Variants in BEST3 observed in about 807,000 individuals in gnomAD.
BEST3 encodes the protein bestrophin-3.
BEST3 carries 50 observed loss-of-function variants against 47.1 expected under a neutral mutation model. That is an observed-to-expected ratio of 1.06 (90% CI 0.85 to 1.34). The LOEUF (loss-of-function observed/expected upper bound fraction) is 1.34. BEST3 is among the 40% of genes most tolerant of loss of function. The pLI is 0.00. For missense variants in BEST3, 765 were observed against 817.0 expected (o/e 0.94, Z 0.78); for synonymous variants, 282 against 298.8 (o/e 0.94, Z 0.58).
intron 4 of BEST3, among the ~76,000 whole-genome samples, chr12:69,692,206 CACAAACTCCAAA>C (rs1885951708): frequency 6.6e-6 from 1 of 152,176 alleles, no homozygotes; most frequent in African/African-American, 2.4e-5. Flanking sequence ...AAGAAGCCAA[CACAAACTCCAAA>C]ACAAACAAAA....
At chr12:69,684,487 A>G (rs1885440253) in intron 4 of BEST3, 1 of 573,110 alleles carries the variant, frequency 1.7e-6, no homozygotes, top group Non-Finnish European at 3.4e-6. Context: ...TCCTTGATTG[A>G]AGTTGAGGCA....
At chr12:69,694,079 G>T in intron 3 of BEST3, 172 bp from the exon 4 acceptor site, 1 of 607,598 alleles carries the variant, frequency 1.6e-6, no homozygotes, top group Non-Finnish European at 2.9e-6. Context: ...GCCTGGCAAT[G>T]CCTAAGCACC....
downstream of BEST3, among the ~76,000 whole-genome samples, chr12:69,649,811 GC>G (rs1171258121): frequency 6.6e-6 from 1 of 152,214 alleles, no homozygotes; most frequent in African/African-American, 2.4e-5. Flanking sequence ...CTGGCTGAGA[GC>G]CACTGGCCTA....
intron 4 of BEST3, chr12:69,689,386 G>A (rs1184458886): frequency 7.9e-6 from 3 of 381,324 alleles, no homozygotes; most frequent in Non-Finnish European, 1.1e-5. Flanking sequence ...TGGCTTAGAG[G>A]ATAGTGGCTT....
chr12:69,676,980 T>C lies in BEST3; in HGVS notation c.803A>G (p.Asp268Gly), dbSNP rs1565833869. Residue 268 changes from aspartate to glycine, a missense_variant, in exon 7 of 10, where the codon GAC becomes GGC. By Grantham distance (94) the Asp-to-Gly change is moderately conservative. Transcript: ENST00000330891. ...GAAGATGGGAATGTAAAGATCCAAGTCATGCCCTGCGTAGCCTTTGGTGGG... is the reference window on the plus strand; with the variant it reads ...GAAGATGGGAATGTAAAGATCCAAGCCATGCCCTGCGTAGCCTTTGGTGGG... ...LDPTKGYAGHDLDLYIPIFTL... is the reference protein window; with the variant it reads ...LDPTKGYAGHGLDLYIPIFTL... 6.2e-7 allele frequency: 1 copy of C among 1,613,944 alleles called. No individual in the cohort carries two copies. Among genetic ancestry groups the C allele is most frequent in the Non-Finnish European group, 8.5e-7 (1 of 1,180,004 alleles).
At chr12:69,698,351 CATT>C (rs1454767429) in intron 1 of BEST3, among the ~76,000 whole-genome samples, 7 of 152,240 alleles carry the variant, frequency 4.6e-5, no homozygotes, top group African/African-American at 1.7e-4. Flanking sequence ...AAAATGAGGT[CATT>C]ATTTACAACT....
At chr12:69,686,637 T>C (rs1303623149) in intron 4 of BEST3, among the ~76,000 whole-genome samples, 1 of 151,730 alleles carries the variant, frequency 6.6e-6, no homozygotes, top group African/African-American at 2.4e-5. Context: ...CCGGGTGTGG[T>C]GGCCTGTGCC....
At position 69,677,336 on chromosome 12, in the gene BEST3, A is replaced by C. The variant is rs1005503702; in HGVS notation, c.637-79T>G. Reference sequence around the variant, plus strand: ...AGTACTTACTGGGACTCAGAATGTGAGCATGTCTTTTACAGGACTGACTGT... The same window carrying C: ...AGTACTTACTGGGACTCAGAATGTGCGCATGTCTTTTACAGGACTGACTGT... On this transcript the variant is annotated intron_variant, in intron 5 of 9. Transcript: ENST00000330891. The C allele has an allele frequency of 1.3e-5, 16 of 1,272,368 alleles. No individual in the cohort carries two copies. In the Admixed American group the frequency reaches 1.6e-4, roughly 13 times the overall value. 78.8% of individuals were successfully genotyped at this position (1,272,368 alleles called of 1,614,324 possible). A position where few individuals can be genotyped will look rare whatever the true frequency, so the allele number is the denominator to read the frequency against.
intron 9 of BEST3, among the ~76,000 whole-genome samples, chr12:69,657,647 T>A (rs1883590586): frequency 6.6e-6 from 1 of 152,112 alleles, no homozygotes; most frequent in Non-Finnish European, 1.5e-5. Flanking sequence ...GGTAGTGACA[T>A]CTCTGGTGAC....
At chr12:69,684,610 TGAAA>T (rs1473007564) in intron 4 of BEST3, 6 of 670,212 alleles carry the variant, frequency 9.0e-6, no homozygotes, top group Admixed American at 2.0e-5. Flanking sequence ...CAGTTCTTTC[TGAAA>T]GAGAGAGTTG....
chr12:69,692,520 T>C (rs1243629058), intron 4 of BEST3, among the ~76,000 whole-genome samples: 1 of 152,252 alleles, frequency 6.6e-6, no homozygotes, highest in African/African-American at 2.4e-5. Context: ...AGTGTCTGCC[T>C]AGATGAAACT....
chr12:69,692,786 T>C (rs1257226030), intron 4 of BEST3, among the ~76,000 whole-genome samples: 3 of 152,228 alleles, frequency 2.0e-5, no homozygotes, highest in African/African-American at 7.2e-5. Context: ...TTTTGGGGAC[T>C]GATGGGGACC....
chr12:69,659,956 T>A (rs1261691110), intron 9 of BEST3: 2 of 152,126 alleles, frequency 1.3e-5, no homozygotes, highest in Admixed American at 6.6e-5. Flanking sequence ...AGGAGGACAT[T>A]CATGAAAAGT....
intron 9 of BEST3, chr12:69,660,061 C>T (rs1883780810): frequency 6.6e-6 from 1 of 152,144 alleles, no homozygotes; most frequent in African/African-American, 2.4e-5. Context: ...GCCAGGATTG[C>T]TGTGTCTATG....
intron 4 of BEST3, among the ~76,000 whole-genome samples, chr12:69,685,001 AT>A: frequency 6.7e-6 from 1 of 148,314 alleles, no homozygotes; most frequent in Non-Finnish European, 1.5e-5. Flanking sequence ...ATTCTATTCT[AT>A]TCTATTCTAT....
At chr12:69,680,470 G>A (rs1205295344) in intron 4 of BEST3, among the ~76,000 whole-genome samples, 14 of 151,738 alleles carry the variant, frequency 9.2e-5, no homozygotes. Flanking sequence ...CACCACGCCC[G>A]GCTAAGTTTT....
intron 5 of BEST3, among the ~76,000 whole-genome samples, chr12:69,678,285 C>G (rs747873538): frequency 1.3e-5 from 2 of 151,970 alleles, no homozygotes; most frequent in African/African-American, 2.4e-5. Context: ...AATGAAAATA[C>G]TATTTTACTT....
At position 69,654,762 on chromosome 12, in the gene BEST3, G is replaced by A; in HGVS notation, c.*145C>T. ...GCTCTCAAAAAGTCAGGATCATAAT[G>A]CCCTTCAAAGTTCTAAGTAGCTTAT... On this transcript the variant is annotated 3_prime_UTR_variant, in exon 10 of 10. Coordinates refer to ENST00000330891, the MANE Select transcript of BEST3 (RefSeq NM_032735.3). The A allele has an allele frequency of 7.3e-7, 1 of 1,378,270 alleles. No individual in the cohort carries two copies. Among genetic ancestry groups the A allele is most frequent in the South Asian group, 2.1e-5 (1 of 47,760 alleles). 85.4% of individuals were successfully genotyped at this position (1,378,270 alleles called of 1,614,324 possible).
At chr12:69,658,959 G>T (rs988859104) in intron 9 of BEST3, among the ~76,000 whole-genome samples, 8 of 152,206 alleles carry the variant, frequency 5.3e-5, no homozygotes, top group African/African-American at 1.9e-4. Flanking sequence ...CATTGCTAGG[G>T]TTGTGTGGTG....
Sources: gnomAD v4.1 joint callset for allele counts (sites outside exome capture counted in the v4.1 genomes callset) on GRCh38, gnomAD v4.1.1 for gene constraint, MANE v1.5 for transcripts, NCBI Gene and HGNC (gene_info 2026-07-23, HGNC 2026-07-21) for gene names.